Variants in GRIN2B observed in about 807,000 individuals in gnomAD.
GRIN2B encodes the protein glutamate ionotropic receptor NMDA type subunit 2B, also known as glutamate receptor ionotropic, NMDA 2B.
Under a neutral mutation model 114.5 loss-of-function variants are expected in GRIN2B, and 5 were observed. The observed-to-expected ratio is 0.04, with a 90% CI of 0.02 to 0.09. The LOEUF (loss-of-function observed/expected upper bound fraction) is 0.09. Among genes scored for constraint, GRIN2B ranks in the 10% least tolerant of loss-of-function variants. GRIN2B has a pLI of 1.00. For synonymous variants in GRIN2B, 787 were observed against 745.1 expected, an observed-to-expected ratio of 1.06 and a Z score of -0.92; for missense variants, 1,108 against 1,943.5, an observed-to-expected ratio of 0.57 and a Z score of 8.08.
At chr12:13,835,146 A>G (rs2268133) in intron 3 of GRIN2B, among the ~76,000 whole-genome samples, 43,664 of 152,116 alleles carry the variant, frequency 0.29, 6,409 homozygotes, top group South Asian at 0.36. Flanking sequence ...GCTATCTACA[A>G]TCTATGGAGC....
At chr12:13,891,384 C>G (rs1005199935) in intron 2 of GRIN2B, among the ~76,000 whole-genome samples, 2 of 151,984 alleles carry the variant, frequency 1.3e-5, no homozygotes, top group African/African-American at 4.8e-5. Context: ...AGTTTCAAAG[C>G]CCTGAAAAAA....
At chr12:13,957,967 T>C (rs1391892285) in intron 2 of GRIN2B, among the ~76,000 whole-genome samples, 4 of 152,186 alleles carry the variant, frequency 2.6e-5, no homozygotes, top group African/African-American at 7.2e-5. Flanking sequence ...CTGTTGGCAC[T>C]TAAATTAACT....
chr12:13,978,996 C>G (rs1197495564), intron 2 of GRIN2B, among the ~76,000 whole-genome samples: 1 of 152,188 alleles, frequency 6.6e-6, no homozygotes, highest in African/African-American at 2.4e-5. Context: ...AAGACTAATA[C>G]ATGCAAACAG....
intron 2 of GRIN2B, among the ~76,000 whole-genome samples, chr12:13,957,626 C>A (rs1591640694): frequency 6.6e-6 from 1 of 152,168 alleles, no homozygotes; most frequent in African/African-American, 2.4e-5. Flanking sequence ...GTGCTGAGCT[C>A]CTATAAGGCT....
intron 4 of GRIN2B, among the ~76,000 whole-genome samples, chr12:13,679,612 A>G (rs111329831): frequency 2.3e-4 from 35 of 152,312 alleles, no homozygotes; most frequent in African/African-American, 7.7e-4. Flanking sequence ...CATCATTCAT[A>G]TCTGTCAGCA....
intron 4 of GRIN2B, among the ~76,000 whole-genome samples, chr12:13,752,634 C>A (rs1422031313): frequency 6.6e-6 from 1 of 152,136 alleles, no homozygotes; most frequent in Non-Finnish European, 1.5e-5. Flanking sequence ...ACTGCAGTCA[C>A]GGCTGGGTTA....
intron 3 of GRIN2B, among the ~76,000 whole-genome samples, chr12:13,793,858 G>T (rs74067313): frequency 0.035 from 5,391 of 152,020 alleles, 114 homozygotes; most frequent in Middle Eastern, 0.058. Flanking sequence ...GTGGGAGAGG[G>T]TTAGGTTTTT....
chr12:13,824,918 T>C (rs1212116494), intron 3 of GRIN2B, among the ~76,000 whole-genome samples: 3 of 151,518 alleles, frequency 2.0e-5, no homozygotes, highest in Non-Finnish European at 4.4e-5. Context: ...AATTTGTGTA[T>C]ACTCTACTTC....
intron 4 of GRIN2B, among the ~76,000 whole-genome samples, chr12:13,705,488 G>T (rs903781159): frequency 6.6e-6 from 1 of 152,054 alleles, no homozygotes; most frequent in Non-Finnish European, 1.5e-5. Flanking sequence ...ACAAATATAC[G>T]TTCATAAGGA....
chr12:13,760,757 T>C (rs1337566235), intron 3 of GRIN2B, among the ~76,000 whole-genome samples: 1 of 152,162 alleles, frequency 6.6e-6, no homozygotes, highest in Non-Finnish European at 1.5e-5. Flanking sequence ...TCCTTCCACA[T>C]TTAGCACAGA....
chr12:13,685,654 T>A (rs1309815433), intron 4 of GRIN2B, among the ~76,000 whole-genome samples: 1 of 152,140 alleles, frequency 6.6e-6, no homozygotes, highest in African/African-American at 2.4e-5. Flanking sequence ...GTGGAAGCTG[T>A]TGACTCATTC....
intron 2 of GRIN2B, among the ~76,000 whole-genome samples, chr12:13,906,144 A>G (rs1432363463): frequency 6.6e-6 from 1 of 152,178 alleles, no homozygotes; most frequent in Non-Finnish European, 1.5e-5. Context: ...ACATCCTTTT[A>G]TTGACATTTT....
intron 4 of GRIN2B, among the ~76,000 whole-genome samples, chr12:13,686,624 CT>C (rs1950175864): frequency 6.6e-6 from 1 of 152,114 alleles, no homozygotes; most frequent in South Asian, 2.1e-4. Flanking sequence ...ATTTTATTTT[CT>C]ATCTCTTCTT....
At chr12:13,866,582 G>GT (rs2136748053) in intron 2 of GRIN2B, among the ~76,000 whole-genome samples, 1 of 152,280 alleles carries the variant, frequency 6.6e-6, no homozygotes, top group South Asian at 2.1e-4. Context: ...CCCTTGTACT[G>GT]TTCTTGGGCT....
chr12:13,688,168 G>C (rs1433733729), intron 4 of GRIN2B, among the ~76,000 whole-genome samples: 1 of 152,118 alleles, frequency 6.6e-6, no homozygotes, highest in Non-Finnish European at 1.5e-5. Flanking sequence ...CCCACGCTAA[G>C]AACAATGTTG....
At position 13,544,016 on chromosome 12, in the gene GRIN2B, A is replaced by T. The variant is rs1221870886; in HGVS notation, c.*18767T>A. The T allele has an allele frequency of 1.3e-5, 2 of 152,116 alleles. No homozygotes were observed. The highest frequency in any genetic ancestry group is 2.9e-5 in the Non-Finnish European group (2 of 68,034). 9.4% of individuals were successfully genotyped at this position (152,116 alleles called of 1,614,324 possible). A position where few individuals can be genotyped will look rare whatever the true frequency, so the allele number is the denominator to read the frequency against. Reference sequence around the variant, plus strand: ...ATCATCAATTTTTCCTTTCTCCTGGATTAGTCTTGTCAACATAAAATGGGC... The same window carrying T: ...ATCATCAATTTTTCCTTTCTCCTGGTTTAGTCTTGTCAACATAAAATGGGC... On this transcript the variant is annotated 3_prime_UTR_variant, in exon 14 of 14. Transcript: ENST00000609686.
intron 3 of GRIN2B, among the ~76,000 whole-genome samples, chr12:13,822,080 C>T (rs1289066502): frequency 6.6e-6 from 1 of 152,130 alleles, no homozygotes; most frequent in Admixed American, 6.5e-5. Context: ...ATTCTGCCTT[C>T]TGAACTATAA....
At chr12:13,602,543 A>G (rs137982585) in intron 10 of GRIN2B, among the ~76,000 whole-genome samples, 1 of 152,218 alleles carries the variant, frequency 6.6e-6, no homozygotes, top group African/African-American at 2.4e-5. Flanking sequence ...TTCCTCACAC[A>G]TGCTCAACAA....
intron 2 of GRIN2B, among the ~76,000 whole-genome samples, chr12:13,888,970 G>A (rs1339710651): frequency 2.0e-5 from 3 of 152,030 alleles, no homozygotes; most frequent in African/African-American, 7.2e-5. Context: ...AGTTTCTTCA[G>A]TAATAAATTA....
Sources: gnomAD v4.1 joint callset for allele counts (sites outside exome capture counted in the v4.1 genomes callset) on GRCh38, gnomAD v4.1.1 for gene constraint, MANE v1.5 for transcripts, NCBI Gene and HGNC (gene_info 2026-07-23, HGNC 2026-07-21) for gene names.